Variants in NLRP4 observed in about 807,000 individuals in gnomAD.
NLRP4 encodes NACHT, LRR and PYD domains-containing protein 4.
A neutral mutation model predicts 84.7 loss-of-function variants in NLRP4; 44 were observed. That is an observed-to-expected ratio of 0.52 (90% CI 0.41 to 0.67). The LOEUF is 0.67. Among genes scored for constraint, NLRP4 ranks in the 30% least tolerant of loss-of-function variants. The pLI, the probability that NLRP4 is intolerant of heterozygous loss-of-function variation, is 0.00. For synonymous variants in NLRP4, 544 were observed against 476.4 expected (o/e 1.14, Z -1.85); for missense variants, 1,260 against 1,219.4 (o/e 1.03, Z -0.50).
chr19:55,853,904 TC>T (rs1984295575), intron 2 of NLRP4, among the ~76,000 whole-genome samples: 1 of 137,736 alleles, frequency 7.3e-6, no homozygotes, highest in African/African-American at 3.2e-5. Context: ...TCTCTCTCTC[TC>T]TTTCTCTTTC....
In NLRP4 at chr19:55,858,033, G is replaced by A. The variant is rs574342762; in HGVS notation, c.640G>A (p.Ala214Thr). 13 of 1,614,156 alleles carry A rather than the reference G, an allele frequency of 8.1e-6. No individual in the cohort carries two copies. In the African/African-American group the frequency reaches 1.7e-4, roughly 22 times the overall value. Residue 214 changes from alanine (A) to threonine (T), a missense_variant, in exon 3 of 10, where the codon GCT becomes ACT. By Grantham distance (58) the Ala-to-Thr change is moderately conservative. This residue lies in a region of NLRP4 where 712 missense variants were observed against 669.2 expected (regional missense o/e 1.06). Coordinates refer to ENST00000301295, the MANE Select transcript of NLRP4 (RefSeq NM_134444.5). This position sits in a 1 kb window ranked among gnomAD's most constrained non-coding sequence, Gnocchi z 4.2. The stretch of plus-strand genomic sequence containing the variant: ...TTCCAGAGAGTGGCCTGACCCCGCT[G>A]CTCCTATAACAGAGATCGTGTCTCA... ...LISREWPDPAAPITEIVSQPE... is the reference protein window; with the variant it reads ...LISREWPDPATPITEIVSQPE...
At position 55,859,941 on chromosome 19, in the gene NLRP4, AAAAAAAAAAAAC is replaced by A. The variant is rs1194208229; in HGVS notation, c.1856+697_1856+708del. Reference sequence around the variant, plus strand: ...CTCTCATCTCCAAAAAAAAAAAAAAAAAAAAAAAAAACAAAACACAAATCATACAAATTTTCT... The same window carrying A: ...CTCTCATCTCCAAAAAAAAAAAAAAAAAAACACAAATCATACAAATTTTCT... On this transcript the variant is annotated intron_variant, in intron 3 of 9. Transcript: ENST00000301295. Among the ~76,000 whole-genome samples the A allele has an allele frequency of 1.2e-3, 174 of 144,532 alleles. 3 individuals are homozygous for A. The highest frequency in any genetic ancestry group is 3.9e-3 in the African/African-American group (153 of 39,208). 94.8% of individuals were successfully genotyped at this position (144,532 alleles called of 152,430 possible).
At chr19:55,840,491 C>G (rs1322156498) in intron 1 of NLRP4, among the ~76,000 whole-genome samples, 1 of 152,134 alleles carries the variant, frequency 6.6e-6, no homozygotes, top group Non-Finnish European at 1.5e-5. Context: ...TCAAGCAATT[C>G]TCCTGCCTCA....
intron 1 of NLRP4, among the ~76,000 whole-genome samples, chr19:55,838,448 G>A (rs992299194): frequency 2.0e-5 from 3 of 152,004 alleles, no homozygotes; most frequent in African/African-American, 4.8e-5. Context: ...GCTCCCCTGG[G>A]TTTCAGAGAG....
intron 1 of NLRP4, among the ~76,000 whole-genome samples, chr19:55,851,139 G>A (rs1216008782): frequency 4.8e-5 from 4 of 83,342 alleles, no homozygotes; most frequent in Non-Finnish European, 6.3e-5. Flanking sequence ...CCGAGGCTGC[G>A]GTGTAATTTA....
At chr19:55,859,749 G>A (rs1183421925) in intron 3 of NLRP4, among the ~76,000 whole-genome samples, 1 of 151,376 alleles carries the variant, frequency 6.6e-6, no homozygotes, top group African/African-American at 2.4e-5. Context: ...CCAACATGGT[G>A]ACACCTCGTC....
chr19:55,872,978 A>G (rs769489808), intron 7 of NLRP4, among the ~76,000 whole-genome samples: 24 of 152,166 alleles, frequency 1.6e-4, no homozygotes, highest in Non-Finnish European at 2.8e-4. Flanking sequence ...AATAGTGGAA[A>G]CCAGAGGGCA....
chr19:55,878,820 C>T lies in NLRP4; in HGVS notation c.2723C>T (p.Thr908Ile), dbSNP rs1367777789. Reference sequence around the variant, plus strand: ...TTGGAAGAATGTGGGTTAACGAGCACCTGCTGTAAGGATCTCGCGTCTGTT... The same window carrying T: ...TTGGAAGAATGTGGGTTAACGAGCATCTGCTGTAAGGATCTCGCGTCTGTT... ...LGLEECGLTSTCCKDLASVLT... is the reference protein window; with the variant it reads ...LGLEECGLTSICCKDLASVLT... Residue 908 changes from threonine to isoleucine, a missense_variant, in exon 9 of 10, where the codon ACC becomes ATC. Around this residue, in one of 3 missense-constraint regions of NLRP4, gnomAD observed 544 missense variants for 531.7 expected, o/e 1.02. Coordinates refer to ENST00000301295, the MANE Select transcript of NLRP4 (RefSeq NM_134444.5). 3.1e-6 allele frequency: 5 copies of T among 1,612,944 alleles called. No homozygotes were observed. Among genetic ancestry groups the T allele is most frequent in the Non-Finnish European group, 4.2e-6 (5 of 1,179,332 alleles).
intron 5 of NLRP4, among the ~76,000 whole-genome samples, chr19:55,863,641 G>C (rs1984846618): frequency 6.6e-6 from 1 of 152,244 alleles, no homozygotes; most frequent in East Asian, 1.9e-4. Context: ...CGTGAGGGTT[G>C]GGTGGGGACA....
intron 6 of NLRP4, among the ~76,000 whole-genome samples, 191 bp from the exon 7 acceptor site, chr19:55,870,636 C>T (rs958259448): frequency 3.9e-5 from 6 of 152,150 alleles, no homozygotes; most frequent in African/African-American, 1.4e-4. Flanking sequence ...GCATTCCAGC[C>T]CGGGCGACGA....
In NLRP4 at chr19:55,857,953, A is replaced by G. The variant is rs904241529; in HGVS notation, c.560A>G (p.Tyr187Cys). The change falls in exon 3 of 10, where the codon TAT (tyrosine) becomes TGT (cysteine). Residue 187 changes from tyrosine (Y) to cysteine (C), a missense_variant. Physicochemically the swap from Tyr to Cys is radical, Grantham distance 194. Around this residue, in one of 3 missense-constraint regions of NLRP4, gnomAD observed 712 missense variants for 669.2 expected, o/e 1.06. Transcript: ENST00000301295. The stretch of plus-strand genomic sequence containing the variant: ...CGGGATAGGTTCCTGTACACGTTCT[A>G]TTTCTGCTGCAGAGAACTGAGGGAG... ...IFRDRFLYTF[Y>C]FCCRELRELP... is the part of the protein sequence containing the mutation. 4.3e-6 allele frequency: 7 copies of G among 1,613,986 alleles called. No homozygotes were observed. The highest frequency in any genetic ancestry group is 4.2e-6 in the Non-Finnish European group (5 of 1,179,998).
chr19:55,862,538 T>C lies in NLRP4; in HGVS notation c.2186+379T>C, dbSNP rs1385149345. Among the ~76,000 whole-genome samples, 2 of 21,792 alleles carry C rather than the reference T, an allele frequency of 9.2e-5. 1 individual carries two copies. Among genetic ancestry groups the C allele is most frequent in the Non-Finnish European group, 1.5e-4 (2 of 12,964 alleles). 14.3% of individuals were successfully genotyped at this position (21,792 alleles called of 152,430 possible). ...AGACTATAGCGTAAGTCTCTGTTTA[T>C]TGAGACCACTGATTGGGTTTCAGAG... On this transcript the variant is annotated intron_variant, in intron 5 of 9. Transcript: ENST00000301295.
chr19:55,851,669 T>C (rs1403197614), intron 1 of NLRP4, among the ~76,000 whole-genome samples: 2 of 149,154 alleles, frequency 1.3e-5, no homozygotes, highest in East Asian at 2.0e-4. Flanking sequence ...CGGTGTAATG[T>C]CCGAGGCTGC....
In NLRP4 at chr19:55,858,108, G is replaced by T; in HGVS notation, c.715G>T (p.Gly239Cys). The T allele has an allele frequency of 6.2e-7, 1 of 1,614,140 alleles. No homozygotes were observed. Among genetic ancestry groups the T allele is most frequent in the South Asian group, 1.1e-5 (1 of 91,070 alleles). Residue 239 changes from glycine (G) to cysteine (C), a missense_variant, in exon 3 of 10, where the codon GGC becomes TGC. Around this residue, in one of 3 missense-constraint regions of NLRP4, gnomAD observed 712 missense variants for 669.2 expected, o/e 1.06. Transcript: ENST00000301295. This position sits in a 1 kb window ranked among gnomAD's most constrained non-coding sequence, Gnocchi z 4.2. ...CGACAGCTTCGAAGAGCTGCAGGGCGGCTTGAACGAACCCGATTCGGATCT... is the reference window on the plus strand; with the variant it reads ...CGACAGCTTCGAAGAGCTGCAGGGCTGCTTGAACGAACCCGATTCGGATCT... Reference protein sequence around the residue: ...VIDSFEELQGGLNEPDSDLCG... With the variant: ...VIDSFEELQGCLNEPDSDLCG...
chr19:55,865,033 A>G (rs1458390446), intron 5 of NLRP4, among the ~76,000 whole-genome samples: 1 of 152,254 alleles, frequency 6.6e-6, no homozygotes, highest in South Asian at 2.1e-4. Context: ...CAGGTTTATT[A>G]TAAAAGTAAA....
chr19:55,837,864 T>A (rs1333054407), intron 1 of NLRP4, among the ~76,000 whole-genome samples: 1 of 151,912 alleles, frequency 6.6e-6, no homozygotes, highest in East Asian at 1.9e-4. Flanking sequence ...GGCAAAACCC[T>A]GTCTCTACTA....
intron 1 of NLRP4, among the ~76,000 whole-genome samples, chr19:55,848,724 G>T (rs773067872): frequency 6.6e-6 from 1 of 152,148 alleles, no homozygotes; most frequent in Non-Finnish European, 1.5e-5. Flanking sequence ...TTAAAAAGAA[G>T]TCTCTATGTA....
At position 55,858,932 on chromosome 19, in the gene NLRP4, A is replaced by G. The variant is rs1204913919; in HGVS notation, c.1539A>G (p.Glu513=). 4 of 1,614,140 alleles carry G rather than the reference A, an allele frequency of 2.5e-6. No homozygotes were observed. The Admixed American group carries it at 6.7e-5, about 27-fold the overall frequency. ...LTGLLNKKEQ[E]KLDAFFGFQL... ...GCCTTTTAAATAAAAAGGAACAAGA[A>G]AAACTGGATGCGTTTTTTGGCTTCC... Residue 513 remains glutamate, a synonymous_variant, in exon 3 of 10, where the codon GAA becomes GAG. Transcript: ENST00000301295. The surrounding 1 kb of genome is among the most constrained non-coding windows in gnomAD (Gnocchi z 4.2).
chr19:55,877,561 G>T (rs1001455079), intron 8 of NLRP4, among the ~76,000 whole-genome samples: 6 of 152,128 alleles, frequency 3.9e-5, no homozygotes, highest in African/African-American at 1.4e-4. Flanking sequence ...GTATCAGTTT[G>T]CCAGGGTTTA....
Sources: allele counts gnomAD v4.1 joint callset (sites outside exome capture counted in the v4.1 genomes callset), GRCh38; gene constraint gnomAD v4.1.1; regional missense constraint gnomAD v4.1.1; non-coding constraint Gnocchi (gnomAD v3.1); transcripts MANE v1.5; gene names NCBI Gene and HGNC (gene_info 2026-07-23, HGNC 2026-07-21).